The following OPCML variants were observed in gnomAD, a reference collection of about 807,000 sequenced individuals.
The protein encoded by OPCML is opioid-binding protein/cell adhesion molecule.
In OPCML, 13 loss-of-function variants were observed where a neutral mutation model predicts 37.8. The observed-to-expected ratio is 0.34, with a 90% CI of 0.22 to 0.55. The LOEUF (loss-of-function observed/expected upper bound fraction) is 0.55. OPCML is among the 20% of genes least tolerant of loss of function. OPCML has a pLI of 0.91. For synonymous variants in OPCML, 176 were observed against 168.8 expected, an observed-to-expected ratio of 1.04 and a Z score of -0.33; for missense variants, 341 against 435.6, an observed-to-expected ratio of 0.78 and a Z score of 1.93.
In OPCML at chr11:133,317,446, C is replaced by T. The variant is rs146916001; in HGVS notation, c.61+214818G>A. On this transcript the variant is annotated intron_variant, in intron 1 of 7. Transcript: ENST00000524381. ...ACAAACTTCGACTTATTTTGAAACA[C>T]TGGTTTGTGCAAACTTACAAGTTAA... Among the ~76,000 whole-genome samples the T allele has an allele frequency of 7.9e-5, 12 of 152,314 alleles. No homozygotes were observed. In the East Asian group the frequency reaches 1.9e-3, roughly 25 times the overall value.
intron 3 of OPCML, among the ~76,000 whole-genome samples, chr11:132,574,450 T>A (rs1268093991): frequency 6.6e-6 from 1 of 151,804 alleles, no homozygotes; most frequent in Non-Finnish European, 1.5e-5. Context: ...TAAGTTTTTG[T>A]ATATCGTATC....
intron 1 of OPCML, among the ~76,000 whole-genome samples, chr11:133,218,025 A>T (rs1446394958): frequency 1.4e-5 from 2 of 146,288 alleles, no homozygotes; most frequent in African/African-American, 5.3e-5. Context: ...CAGCCTGAAC[A>T]ACAGAGACAT....
chr11:133,376,736 G>A (rs1944812781), intron 1 of OPCML, among the ~76,000 whole-genome samples: 1 of 152,116 alleles, frequency 6.6e-6, no homozygotes, highest in African/African-American at 2.4e-5. Flanking sequence ...AGAGTAATTT[G>A]GGAATAGTTG....
chr11:132,845,108 T>C (rs1376430670), intron 2 of OPCML, among the ~76,000 whole-genome samples: 1 of 152,150 alleles, frequency 6.6e-6, no homozygotes, highest in Non-Finnish European at 1.5e-5. Context: ...GGGAAGCTCA[T>C]GGCTGGGAAG....
intron 3 of OPCML, among the ~76,000 whole-genome samples, chr11:132,600,588 T>G (rs146232127): frequency 6.6e-6 from 1 of 152,326 alleles, no homozygotes; most frequent in East Asian, 1.9e-4. Context: ...GTACACCGAC[T>G]GACTAGTCTG....
chr11:133,162,750 T>G (rs1315310572), intron 1 of OPCML, among the ~76,000 whole-genome samples: 1 of 152,236 alleles, frequency 6.6e-6, no homozygotes, highest in Non-Finnish European at 1.5e-5. Context: ...TTTCCCCTTC[T>G]GCTACGGGCT....
intron 3 of OPCML, among the ~76,000 whole-genome samples, chr11:132,566,571 T>C (rs2096423697): frequency 6.6e-6 from 1 of 152,168 alleles, no homozygotes; most frequent in Non-Finnish European, 1.5e-5. Flanking sequence ...CTCAAATGAG[T>C]TATTCAATTT....
At chr11:132,725,207 C>T (rs921200381) in intron 2 of OPCML, among the ~76,000 whole-genome samples, 1 of 152,210 alleles carries the variant, frequency 6.6e-6, no homozygotes, top group African/African-American at 2.4e-5. Flanking sequence ...AATATCCAGG[C>T]GTTTTCATAC....
chr11:132,644,412 T>G (rs181009710), intron 3 of OPCML, among the ~76,000 whole-genome samples: 296 of 152,150 alleles, frequency 1.9e-3, no homozygotes, highest in African/African-American at 6.7e-3. Context: ...TACCTGCGGA[T>G]TTTAGGTTAC....
At chr11:132,978,923 T>TTTA (rs1946524297) in intron 1 of OPCML, among the ~76,000 whole-genome samples, 1 of 152,172 alleles carries the variant, frequency 6.6e-6, no homozygotes, top group African/African-American at 2.4e-5. Flanking sequence ...CATCTAAAAT[T>TTTA]GAACATGTGC....
intron 3 of OPCML, among the ~76,000 whole-genome samples, chr11:132,530,634 C>T (rs1433867792): frequency 6.6e-6 from 1 of 152,016 alleles, no homozygotes; most frequent in Non-Finnish European, 1.5e-5. Context: ...CGATGAACCT[C>T]ATCTCAGGCC....
intron 1 of OPCML, among the ~76,000 whole-genome samples, chr11:133,253,644 C>A (rs1941215688): frequency 6.6e-6 from 1 of 152,098 alleles, no homozygotes; most frequent in Non-Finnish European, 1.5e-5. Context: ...AACAAATAAA[C>A]CTTATAAGCA....
At chr11:133,431,533 T>A in intron 1 of OPCML, among the ~76,000 whole-genome samples, 1 of 152,118 alleles carries the variant, frequency 6.6e-6, no homozygotes, top group East Asian at 1.9e-4. Context: ...TAGCGTGATC[T>A]CAGCTCACCG....
intron 1 of OPCML, among the ~76,000 whole-genome samples, chr11:133,073,011 G>A (rs1948562002): frequency 1.3e-5 from 2 of 152,324 alleles, no homozygotes; most frequent in South Asian, 4.2e-4. Context: ...CCAGCACAGA[G>A]AGAGCTCTTG....
chr11:133,345,210 C>CA (rs1187030937), intron 1 of OPCML, among the ~76,000 whole-genome samples: 6 of 152,142 alleles, frequency 3.9e-5, no homozygotes, highest in African/African-American at 1.2e-4. Context: ...TTTCTTGATA[C>CA]AAAAAAATCT....
chr11:132,511,310 G>T (rs919409477), intron 4 of OPCML, among the ~76,000 whole-genome samples: 13 of 152,032 alleles, frequency 8.6e-5, no homozygotes, highest in Non-Finnish European at 1.9e-4. Context: ...ATATTTTAAG[G>T]CTTGGAAAAA....
intron 1 of OPCML, among the ~76,000 whole-genome samples, chr11:133,140,116 G>A (rs1214458744): frequency 6.6e-6 from 1 of 151,118 alleles, no homozygotes; most frequent in African/African-American, 2.4e-5. Flanking sequence ...GAACCCGGGA[G>A]GCAGAGGTTG....
chr11:132,993,518 C>T (rs565191377), intron 1 of OPCML, among the ~76,000 whole-genome samples: 67 of 152,288 alleles, frequency 4.4e-4, no homozygotes, highest in Non-Finnish European at 1.9e-4. Flanking sequence ...GGCTGACCCT[C>T]CATGAATGAC....
chr11:132,675,327 C>T lies in OPCML; in HGVS notation c.147-18008G>A, dbSNP rs183014868. Reference sequence around the variant, plus strand: ...TTTACAAAAATCTTGGAGACACAACCCCTCACACACAATGACACAATGTAT... The same window carrying T: ...TTTACAAAAATCTTGGAGACACAACTCCTCACACACAATGACACAATGTAT... On this transcript the variant is annotated intron_variant, in intron 2 of 7. Transcript: ENST00000524381. 3.5e-4 allele frequency among the ~76,000 whole-genome samples: 53 copies of T among 151,636 alleles called. No individual in the cohort carries two copies. In the East Asian group the frequency reaches 9.7e-3, roughly 28 times the overall value.
Sources: allele counts gnomAD v4.1 joint callset (sites outside exome capture counted in the v4.1 genomes callset), GRCh38; gene constraint gnomAD v4.1.1; transcripts MANE v1.5; gene names NCBI Gene and HGNC (gene_info 2026-07-23, HGNC 2026-07-21).